KATNB1: variants seen among roughly 807,000 people sequenced by gnomAD.
KATNB1 encodes katanin regulatory subunit B1, also known as katanin p80 WD40 repeat-containing subunit B1.
A neutral mutation model predicts 82.3 loss-of-function variants in KATNB1; 38 were observed. The observed-to-expected ratio is 0.46, with a 90% CI of 0.36 to 0.61. KATNB1 has a LOEUF of 0.61. Among genes scored for constraint, KATNB1 ranks in the 20% least tolerant of loss-of-function variants. KATNB1 has a pLI of 0.00. For missense variants in KATNB1, 749 were observed against 915.7 expected (o/e 0.82, Z 2.35); for synonymous variants, 361 against 368.7 (o/e 0.98, Z 0.24).
In KATNB1 at chr16:57,752,005, G is replaced by C. The variant is rs782304206; in HGVS notation, c.582G>C (p.Val194=). The change falls in exon 8 of 20, where the codon GTG becomes GTC. Residue 194 remains valine (V), a synonymous_variant. Coordinates refer to ENST00000379661, the MANE Select transcript of KATNB1 (RefSeq NM_005886.3). ...CTGGTCACACGGGGCCTGTCAACGT[G>C]GTCGAGTTTCACCCCAACGAGTACC... ...EFPGHTGPVN[V]VEFHPNEYLL... 3 of 1,613,480 alleles carry C rather than the reference G, an allele frequency of 1.9e-6. No individual in the cohort carries two copies. The highest frequency in any genetic ancestry group is 2.5e-6 in the Non-Finnish European group (3 of 1,180,014).
In KATNB1 at chr16:57,753,094, C is replaced by T. The variant is rs782446496; in HGVS notation, c.873C>T (p.Ser291=). The change falls in exon 11 of 20, where the codon TCC becomes TCT. Residue 291 remains serine (S), a synonymous_variant. Transcript: ENST00000379661. ...CNDQLIGVAF[S]QSNVSSYVVD... ...TTCTGCAGATAGGTGTGGCCTTCTC[C>T]CAGAGCAACGTCTCCTCCTACGTGG... 1.2e-6 allele frequency: 2 copies of T among 1,605,042 alleles called. No homozygotes were observed. The highest frequency in any genetic ancestry group is 4.5e-5 in the East Asian group (2 of 44,702).
chr16:57,750,401 G>C (rs782514796), intron 4 of KATNB1, among the ~76,000 whole-genome samples: 4 of 152,286 alleles, frequency 2.6e-5, no homozygotes, highest in East Asian at 1.9e-4. Context: ...AGGCCAAGGC[G>C]GGTGGATCAC....
At chr16:57,752,646 T>TG (rs533141070) in intron 9 of KATNB1, 45 bp downstream of exon 9, 1 of 1,547,296 alleles carries the variant, frequency 6.5e-7, no homozygotes, top group Admixed American at 2.0e-5. Flanking sequence ...CTCCCGGCAG[T>TG]GGGGCGTGGC....
chr16:57,746,039 G>C lies in KATNB1; in HGVS notation c.289+1528G>C, dbSNP rs115994688. On this transcript the variant is annotated intron_variant, in intron 4 of 19. Coordinates refer to ENST00000379661, the MANE Select transcript of KATNB1 (RefSeq NM_005886.3). ...TGGTCCCACGCCGCAACCTTTCTTG[G>C]TTTTCTCCCTCTTTTTGATGGAGCA... is the stretch of plus-strand genomic sequence containing the variant. Among the ~76,000 whole-genome samples the C allele has an allele frequency of 2.6e-3, 394 of 152,152 alleles. 1 individual carries two copies. Among genetic ancestry groups the C allele is most frequent in the African/African-American group, 9.1e-3 (377 of 41,502 alleles).
intron 10 of KATNB1, 54 bp from the exon 11 acceptor site, chr16:57,753,023 G>A (rs2049241304): frequency 4.4e-6 from 7 of 1,588,388 alleles, no homozygotes; most frequent in Admixed American, 3.4e-5. Context: ...CACTGGGGCT[G>A]GGATTTTGCC....
intron 3 of KATNB1, 56 bp from the exon 4 acceptor site, chr16:57,744,338 C>T (rs1156664222): frequency 1.2e-5 from 17 of 1,437,070 alleles, no homozygotes; most frequent in Middle Eastern, 1.8e-4. Context: ...GAATTCAGGG[C>T]GCAACTGCAG....
chr16:57,753,348 C>G (rs376110213), intron 11 of KATNB1, 41 bp from the exon 12 acceptor site: 1 of 1,593,140 alleles, frequency 6.3e-7, no homozygotes, highest in Non-Finnish European at 8.6e-7. Context: ...CTGGGCCTCA[C>G]AGGGCACCTG....
chr16:57,741,725 G>A lies in KATNB1; in HGVS notation c.79G>A (p.Val27Met). ...GCATGCCAGCAACGTGTCCTCACTGGTGCTGGGCAAAGCCTCCGGGCGGCT... is the reference window on the plus strand; with the variant it reads ...GCATGCCAGCAACGTGTCCTCACTGATGCTGGGCAAAGCCTCCGGGCGGCT... ...VAHASNVSSL[V>M]LGKASGRLLA... The change falls in exon 3 of 20, where the codon GTG becomes ATG. Residue 27 changes from valine (V) to methionine (M), a missense_variant. Physicochemically the swap from Val to Met is conservative, Grantham distance 21. Transcript: ENST00000379661. The A allele has an allele frequency of 1.9e-6, 3 of 1,614,166 alleles. No homozygotes were observed. The highest frequency in any genetic ancestry group is 3.3e-5 in the Admixed American group (2 of 60,030).
intron 13 of KATNB1, among the ~76,000 whole-genome samples, chr16:57,754,593 C>A (rs1480048816): frequency 6.6e-6 from 1 of 152,196 alleles, no homozygotes. Flanking sequence ...ACCGTCCTTG[C>A]CGTCAGTCCT....
At chr16:57,747,246 T>C (rs2049189875) in intron 4 of KATNB1, among the ~76,000 whole-genome samples, 1 of 152,194 alleles carries the variant, frequency 6.6e-6, no homozygotes, top group African/African-American at 2.4e-5. Flanking sequence ...GCCACCTACC[T>C]GAAGCCCTGG....
intron 2 of KATNB1, among the ~76,000 whole-genome samples, chr16:57,739,623 G>A (rs576456841): frequency 6.6e-6 from 1 of 152,304 alleles, no homozygotes; most frequent in South Asian, 2.1e-4. Flanking sequence ...TCCTTTGCAG[G>A]TGCCTGTGCT....
At position 57,752,527 on chromosome 16, in the gene KATNB1, C is replaced by T. The variant is rs782511179; in HGVS notation, c.633-3C>T. ...TCGCAGCACAGCTTGGCTGCCTTTGCAGGACAATCCGCTTCTGGGACCTGG... is the reference window on the plus strand; with the variant it reads ...TCGCAGCACAGCTTGGCTGCCTTTGTAGGACAATCCGCTTCTGGGACCTGG... On this transcript the variant is annotated splice_polypyrimidine_tract_variant and splice_region_variant and intron_variant, in intron 8 of 19. Transcript: ENST00000379661. The T allele has an allele frequency of 5.1e-6, 8 of 1,562,136 alleles. No homozygotes were observed. The highest frequency in any genetic ancestry group is 6.9e-6 in the Non-Finnish European group (8 of 1,152,752).
rs187830253 is a variant in KATNB1 at position 57,743,206 on chromosome 16, T to C, written c.172-1188T>C. Among the ~76,000 whole-genome samples, 8 of 152,270 alleles carry C rather than the reference T, an allele frequency of 5.3e-5. No homozygotes were observed. The East Asian group carries it at 1.2e-3, about 22-fold the overall frequency. ...TACTCAGGAGGCTGAGGCAGGAGAA[T>C]CGCTTGAACCTGGGAGACGGAGGTT... On this transcript the variant is annotated intron_variant, in intron 3 of 19. Coordinates refer to ENST00000379661, the MANE Select transcript of KATNB1 (RefSeq NM_005886.3).
intron 4 of KATNB1, among the ~76,000 whole-genome samples, chr16:57,747,814 CT>C (rs781847415): frequency 5.3e-5 from 8 of 152,234 alleles, no homozygotes; most frequent in Non-Finnish European, 1.0e-4. Context: ...GCCGTGCCCC[CT>C]GTCCAGGCTT....
At chr16:57,755,788 A>C (rs1248300751) in intron 16 of KATNB1, 53 bp from the exon 17 acceptor site, 1 of 1,518,848 alleles carries the variant, frequency 6.6e-7, no homozygotes, top group African/African-American at 1.4e-5. Context: ...TCACCCTCAC[A>C]GGGCCACACT....
chr16:57,751,837 G>T lies in KATNB1; in HGVS notation c.517-103G>T. Reference sequence around the variant, plus strand: ...GGCTCACATGTCCCAAGCCTATCCCGAGTGGAAGGTAGCTTGTGGATAAAG... The same window carrying T: ...GGCTCACATGTCCCAAGCCTATCCCTAGTGGAAGGTAGCTTGTGGATAAAG... On this transcript the variant is annotated intron_variant, in intron 7 of 19. Coordinates refer to ENST00000379661, the MANE Select transcript of KATNB1 (RefSeq NM_005886.3). This position sits in a 1 kb window ranked among gnomAD's most constrained non-coding sequence, Gnocchi z 6.3. The T allele has an allele frequency of 7.2e-7, 1 of 1,393,290 alleles. No individual in the cohort carries two copies. 86.3% of individuals were successfully genotyped at this position (1,393,290 alleles called of 1,614,324 possible).
intron 2 of KATNB1, 121 bp downstream of exon 2, chr16:57,737,404 G>C: frequency 9.5e-7 from 1 of 1,054,634 alleles, no homozygotes; most frequent in African/African-American, 1.6e-5. Flanking sequence ...CTAGACTTGG[G>C]AGTAAGATAG....
At position 57,737,118 on chromosome 16, in the gene KATNB1, C is replaced by T. The variant is rs368815039; in HGVS notation, c.-126C>T. 8.4e-7 allele frequency: 1 copy of T among 1,190,910 alleles called. No individual in the cohort carries two copies. Among genetic ancestry groups the T allele is most frequent in the South Asian group, 1.3e-5 (1 of 78,470 alleles). The allele number at this position is 1,190,910 out of a possible 1,614,324, so 73.8% of individuals were successfully genotyped here. A position where few individuals can be genotyped will look rare whatever the true frequency, so the allele number is the denominator to read the frequency against. On this transcript the variant is annotated 5_prime_UTR_variant, in exon 2 of 20. Coordinates refer to ENST00000379661, the MANE Select transcript of KATNB1 (RefSeq NM_005886.3). ...AGGGCCAGAAGACGAGGCATTCTGT[C>T]TGCCTGGATGTGTGGGAACTCTCTG...
At chr16:57,741,187 G>A (rs1258529278) in intron 2 of KATNB1, among the ~76,000 whole-genome samples, 1 of 152,220 alleles carries the variant, frequency 6.6e-6, no homozygotes, top group Non-Finnish European at 1.5e-5. Flanking sequence ...CTTAAAGTGT[G>A]TTCTCCAAAG....
Sources: allele counts gnomAD v4.1 joint callset (sites outside exome capture counted in the v4.1 genomes callset), GRCh38; gene constraint gnomAD v4.1.1; non-coding constraint Gnocchi (gnomAD v3.1); transcripts MANE v1.5; gene names NCBI Gene and HGNC (gene_info 2026-07-23, HGNC 2026-07-21).